NFXL1: variants seen among roughly 807,000 people sequenced by gnomAD.
NFXL1 encodes the protein NF-X1-type zinc finger protein NFXL1.
In NFXL1, 66 loss-of-function variants were observed where a neutral mutation model predicts 123.3. The observed-to-expected ratio is 0.54, with a 90% CI of 0.44 to 0.66. The LOEUF is 0.66. Among genes scored for constraint, NFXL1 ranks in the 30% least tolerant of loss-of-function variants. NFXL1 has a pLI of 0.00. For missense variants in NFXL1, 944 were observed against 1,125.6 expected (o/e 0.84, Z 2.31); for synonymous variants, 346 against 360.8 (o/e 0.96, Z 0.46).
At chr4:47,870,757 C>T (rs895869995) in intron 18 of NFXL1, among the ~76,000 whole-genome samples, 3 of 151,974 alleles carry the variant, frequency 2.0e-5, no homozygotes, top group African/African-American at 7.3e-5. Flanking sequence ...TTAAAAAGGC[C>T]CTTAGAGAAA....
chr4:47,857,848 G>A (rs1366803052), intron 19 of NFXL1, among the ~76,000 whole-genome samples: 1 of 152,140 alleles, frequency 6.6e-6, no homozygotes, highest in Non-Finnish European at 1.5e-5. Context: ...GCGAGATGGT[G>A]GTTTAAGTAG....
At chr4:47,851,737 G>A in intron 21 of NFXL1, 119 bp downstream of exon 21, 1 of 633,830 alleles carries the variant, frequency 1.6e-6, no homozygotes, top group South Asian at 2.1e-5. Context: ...TATAAAACTA[G>A]GCTTTTATTA....
At chr4:47,903,905 GAAAT>G (rs1737452621) in intron 4 of NFXL1, among the ~76,000 whole-genome samples, 2 of 152,070 alleles carry the variant, frequency 1.3e-5, no homozygotes, top group Admixed American at 1.3e-4. Flanking sequence ...AAAAGCTTAA[GAAAT>G]AATACTAAAT....
intron 15 of NFXL1, among the ~76,000 whole-genome samples, chr4:47,880,420 C>A (rs1453155033): frequency 1.8e-5 from 2 of 109,912 alleles, no homozygotes; most frequent in Admixed American, 1.1e-4. Context: ...AACTGAGATC[C>A]AGTCTCAAAA....
Position 47,885,483 on chromosome 4 carries a change from G to A in NFXL1, c.1824+15C>T. The A allele has an allele frequency of 6.3e-7, 1 of 1,596,842 alleles. No homozygotes were observed. On this transcript the variant is annotated intron_variant, in intron 14 of 22. Transcript: ENST00000507489. ...ACAGCAATGCACTATTTCTCTAATA[G>A]TATTATTCCCTTACCCTGCCAGTCT... is the stretch of plus-strand genomic sequence containing the variant.
At chr4:47,880,562 GA>G (rs957491508) in intron 15 of NFXL1, among the ~76,000 whole-genome samples, 109 of 142,070 alleles carry the variant, frequency 7.7e-4, no homozygotes, top group Admixed American at 2.3e-3. Flanking sequence ...ATATAAAAAT[GA>G]AAAAAAAAAG....
intron 12 of NFXL1, among the ~76,000 whole-genome samples, chr4:47,888,525 AG>A (rs1263390595): frequency 6.6e-6 from 1 of 151,574 alleles, no homozygotes; most frequent in African/African-American, 2.4e-5. Context: ...AGCTTTTCTA[AG>A]GATTAATAGA....
chr4:47,865,851 CA>C (rs1386094657), intron 18 of NFXL1, among the ~76,000 whole-genome samples: 1 of 151,744 alleles, frequency 6.6e-6, no homozygotes, highest in African/African-American at 2.4e-5. Context: ...CCCGTCTCTA[CA>C]AAAAAACACC....
Position 47,894,264 on chromosome 4 carries a change from T to G in NFXL1, c.1368A>C (p.Lys456Asn). ...EKHCRCGKHT[K>N]RMPCHKPYLC... ...GATAAGGTTTATGACAAGGCATTCG[T>G]TTTGTATGCTTTCCACAGCGACAAT... The change falls in exon 11 of 23, where the codon AAA becomes AAC. Residue 456 changes from lysine (K) to asparagine (N), a missense_variant. Lys to Asn is a moderately conservative substitution (Grantham distance 94). Coordinates refer to ENST00000507489, the MANE Select transcript of NFXL1 (RefSeq NM_001278624.2). 1 of 1,602,310 alleles carries G rather than the reference T, an allele frequency of 6.2e-7. No individual in the cohort carries two copies.
intron 3 of NFXL1, among the ~76,000 whole-genome samples, chr4:47,906,441 C>A (rs767750558): frequency 1.3e-5 from 2 of 152,060 alleles, no homozygotes; most frequent in African/African-American, 4.8e-5. Context: ...TGAGTAAACA[C>A]GGCACTTACA....
rs578002706 is a variant in NFXL1, at chr4:47,884,307, T to C, written c.1916+39A>G. On this transcript the variant is annotated intron_variant, in intron 15 of 22. Coordinates refer to ENST00000507489, the MANE Select transcript of NFXL1 (RefSeq NM_001278624.2). Reference sequence around the variant, plus strand: ...ATACCCTTTAAGCTATGTCAAAAGTTTTTTGTTTTTTTTTTTTAATTGAAA... The same window carrying C: ...ATACCCTTTAAGCTATGTCAAAAGTCTTTTGTTTTTTTTTTTTAATTGAAA... The C allele has an allele frequency of 5.5e-6, 7 of 1,269,476 alleles. No homozygotes were observed. In the East Asian group the frequency reaches 1.4e-4, roughly 25 times the overall value. 78.6% of individuals were successfully genotyped at this position (1,269,476 alleles called of 1,614,324 possible).
chr4:47,848,404 T>C, intron 22 of NFXL1, 68 bp from the exon 23 acceptor site: 2 of 1,242,696 alleles, frequency 1.6e-6, no homozygotes, highest in Non-Finnish European at 2.3e-6. Flanking sequence ...TCCATTTACA[T>C]AAAAATCAAT....
In NFXL1 at chr4:47,879,130, A is replaced by C; in HGVS notation, c.1917-13T>G. On this transcript the variant is annotated splice_polypyrimidine_tract_variant and intron_variant, in intron 15 of 22. Coordinates refer to ENST00000507489, the MANE Select transcript of NFXL1 (RefSeq NM_001278624.2). ...CCCAAGACATTCCCTACAAGGAAAA[A>C]ATAAAATAAAATGAAAACATTACAA... The C allele has an allele frequency of 8.2e-7, 1 of 1,225,456 alleles. No homozygotes were observed. Among genetic ancestry groups the C allele is most frequent in the Non-Finnish European group, 1.1e-6 (1 of 894,488 alleles). The allele number at this position is 1,225,456 out of a possible 1,614,324, so 75.9% of individuals were successfully genotyped here.
chr4:47,914,409 A>T lies in NFXL1; in HGVS notation c.-47T>A. The T allele has an allele frequency of 1.9e-6, 1 of 532,870 alleles. No homozygotes were observed. The highest frequency in any genetic ancestry group is 3.3e-6 in the Non-Finnish European group (1 of 299,010). 33.0% of individuals were successfully genotyped at this position (532,870 alleles called of 1,614,324 possible). On this transcript the variant is annotated 5_prime_UTR_variant, in exon 1 of 23. Coordinates refer to ENST00000507489, the MANE Select transcript of NFXL1 (RefSeq NM_001278624.2). ...AAGCCCGGGCTTTGGAGATGGACCG[A>T]AGAGGGGAGGGAGGACTAGGTACAG... is the stretch of plus-strand genomic sequence containing the variant.
chr4:47,877,247 A>G, intron 17 of NFXL1: 1 of 441,400 alleles, frequency 2.3e-6, no homozygotes, highest in South Asian at 1.6e-5. Context: ...TGGCAGAAAC[A>G]AAAAAAATCA....
chr4:47,859,861 A>C (rs1428184778), intron 19 of NFXL1, among the ~76,000 whole-genome samples: 6 of 145,584 alleles, frequency 4.1e-5, no homozygotes, highest in South Asian at 2.2e-4. Flanking sequence ...AAAAAAAAAA[A>C]AAAAAAAAAC....
chr4:47,885,219 C>A (rs1736354837), intron 14 of NFXL1, among the ~76,000 whole-genome samples: 2 of 151,794 alleles, frequency 1.3e-5, no homozygotes, highest in South Asian at 4.2e-4. Context: ...TAGGAGATAT[C>A]TATAACCCTA....
At chr4:47,914,310 G>A in intron 1 of NFXL1, 55 bp downstream of exon 1, 2 of 913,618 alleles carry the variant, frequency 2.2e-6, no homozygotes, top group Non-Finnish European at 3.2e-6. Context: ...GCCGAGTGAG[G>A]AAGGTTCCTG....
chr4:47,883,496 T>C (rs1736238202), intron 15 of NFXL1, among the ~76,000 whole-genome samples: 1 of 152,148 alleles, frequency 6.6e-6, no homozygotes, highest in Non-Finnish European at 1.5e-5. Context: ...AATACCTACA[T>C]GAAAAACCTC....
Sources: allele counts gnomAD v4.1 joint callset (sites outside exome capture counted in the v4.1 genomes callset), GRCh38; gene constraint gnomAD v4.1.1; transcripts MANE v1.5; gene names NCBI Gene and HGNC (gene_info 2026-07-23, HGNC 2026-07-21).